Variants in CACNA1D observed in about 807,000 individuals in gnomAD.
The protein encoded by CACNA1D is voltage-dependent L-type calcium channel subunit alpha-1D.
In CACNA1D, 55 loss-of-function variants were observed where a neutral mutation model predicts 257.1. That is an observed-to-expected ratio of 0.21 (90% CI 0.17 to 0.27). The LOEUF is 0.27. Ranked by LOEUF, CACNA1D falls within the 10% of genes least tolerant of loss-of-function variation. The probability of loss-of-function intolerance (pLI) is 1.00; values close to 1 mark genes in which losing one functional copy is unlikely to be tolerated. For missense variants in CACNA1D, 1,876 were observed against 2,784.0 expected (o/e 0.67, Z 7.34); for synonymous variants, 980 against 1,014.9 (o/e 0.97, Z 0.65).
At chr3:53,795,904 CTT>C (rs779039609) in intron 40 of CACNA1D, among the ~76,000 whole-genome samples, 9 of 152,158 alleles carry the variant, frequency 5.9e-5, no homozygotes, top group Non-Finnish European at 1.2e-4. Context: ...TTACCCCTGA[CTT>C]TTCAGTGAGG....
intron 9 of CACNA1D, among the ~76,000 whole-genome samples, chr3:53,717,657 C>T (rs147253222): frequency 8.5e-5 from 13 of 152,280 alleles, no homozygotes; most frequent in African/African-American, 2.9e-4. Flanking sequence ...ACTCGTAACA[C>T]TATAATTCCT....
At chr3:53,651,660 A>G in intron 4 of CACNA1D, among the ~76,000 whole-genome samples, 1 of 152,236 alleles carries the variant, frequency 6.6e-6, no homozygotes, top group East Asian at 1.9e-4. Context: ...TGTTACAGGA[A>G]TGCTGGGTCT....
At chr3:53,562,794 A>G (rs1177994271) in intron 3 of CACNA1D, among the ~76,000 whole-genome samples, 1 of 152,228 alleles carries the variant, frequency 6.6e-6, no homozygotes, top group Admixed American at 6.5e-5. Context: ...TTCCAAATAT[A>G]CCCGGCTGCA....
intron 3 of CACNA1D, among the ~76,000 whole-genome samples, chr3:53,526,442 CT>C (rs151284072): frequency 0.17 from 25,944 of 152,150 alleles, 2,521 homozygotes; most frequent in Non-Finnish European, 0.23. Context: ...GTGGTTTTAG[CT>C]GCACTGTGGA....
chr3:53,626,051 G>A (rs2093754747), intron 3 of CACNA1D, among the ~76,000 whole-genome samples: 1 of 152,190 alleles, frequency 6.6e-6, no homozygotes, highest in Non-Finnish European at 1.5e-5. Flanking sequence ...CTTAGAAGCT[G>A]GAAACTGGCC....
intron 40 of CACNA1D, among the ~76,000 whole-genome samples, chr3:53,794,045 A>G (rs1401110489): frequency 2.0e-5 from 3 of 152,218 alleles, no homozygotes; most frequent in African/African-American, 7.2e-5. Flanking sequence ...TAACAACCCA[A>G]TTAAAAATTA....
In CACNA1D at chr3:53,592,789, C is replaced by T. The variant is rs568604472; in HGVS notation, c.484-57990C>T. On this transcript the variant is annotated intron_variant, in intron 3 of 47. Transcript: ENST00000350061. ...CACAACCTCAGCTCACTGCAACCTC[C>T]GCCTCCTGGGTTCAAGCGATTCTCC... Among the ~76,000 whole-genome samples the T allele has an allele frequency of 4.6e-5, 7 of 152,142 alleles. No individual in the cohort carries two copies. In the South Asian group the frequency reaches 1.2e-3, roughly 27 times the overall value.
intron 3 of CACNA1D, among the ~76,000 whole-genome samples, chr3:53,579,817 G>C (rs1201840234): frequency 1.3e-5 from 2 of 152,180 alleles, no homozygotes; most frequent in African/African-American, 4.8e-5. Flanking sequence ...CACAGACACA[G>C]GCAAAGCACT....
chr3:53,567,161 A>G lies in CACNA1D; in HGVS notation c.483+65441A>G, dbSNP rs1305562042. Among the ~76,000 whole-genome samples the G allele has an allele frequency of 3.3e-5, 5 of 152,344 alleles. No individual in the cohort carries two copies. The South Asian group carries it at 6.2e-4, about 19-fold the overall frequency. ...TCACTGCAGGATCTCCCGTGGATGC[A>G]TAGCATGGTGCCAGAGGCATGGTAC... On this transcript the variant is annotated intron_variant, in intron 3 of 47. Coordinates refer to ENST00000350061, the MANE Select transcript of CACNA1D (RefSeq NM_001128840.3).
Position 53,730,561 on chromosome 3 carries a change from C to T in CACNA1D, c.2336+5C>T. 6.3e-7 allele frequency: 1 copy of T among 1,591,910 alleles called. No homozygotes were observed. Among genetic ancestry groups the T allele is most frequent in the Non-Finnish European group, 8.6e-7 (1 of 1,159,964 alleles). On this transcript the variant is annotated splice_donor_5th_base_variant and intron_variant, in intron 16 of 47. Transcript: ENST00000350061. ...GGAGAGGAAAAAGATTGCCAGGTAA[C>T]CCTATTTTCCCCTGACGTGTTTGTC...
intron 3 of CACNA1D, among the ~76,000 whole-genome samples, chr3:53,551,311 T>G (rs371612721): frequency 1.3e-5 from 2 of 152,206 alleles, no homozygotes; most frequent in African/African-American, 4.8e-5. Flanking sequence ...TTGGCAGGTT[T>G]AAGGTCAGGT....
At position 53,525,901 on chromosome 3, in the gene CACNA1D, C is replaced by G. The variant is rs143132487; in HGVS notation, c.483+24181C>G. On this transcript the variant is annotated intron_variant, in intron 3 of 47. Transcript: ENST00000350061. ...GTCCAGGGATAAACTGGAGTCAGCT[C>G]AGGCGCTCAAATGATGTCACCAGGA... Among the ~76,000 whole-genome samples, 5 of 152,286 alleles carry G rather than the reference C, an allele frequency of 3.3e-5. No homozygotes were observed. The South Asian group carries it at 6.2e-4, about 19-fold the overall frequency.
At position 53,747,424 on chromosome 3, in the gene CACNA1D, T is replaced by A. The variant is rs2095180835; in HGVS notation, c.3290T>A (p.Val1097Asp). 6.2e-7 allele frequency: 1 copy of A among 1,614,116 alleles called. No homozygotes were observed. The highest frequency in any genetic ancestry group is 1.1e-5 in the South Asian group (1 of 91,092). ...VLSAMMALFTVSTFEGWPALL... is the reference protein window; with the variant it reads ...VLSAMMALFTDSTFEGWPALL... ...TCTGCTATGATGGCGCTCTTCACAG[T>A]CTCCACGTTTGAGGGCTGGCCTGCG... The change falls in exon 26 of 48, where the codon GTC becomes GAC. Residue 1097 changes from valine (V) to aspartate (D), a missense_variant. Physicochemically the swap from Val to Asp is radical, Grantham distance 152. This residue lies in a region of CACNA1D where 271 missense variants were observed against 425.5 expected (regional missense o/e 0.64). Transcript: ENST00000350061.
At chr3:53,731,392 A>T (rs1228757991) in intron 17 of CACNA1D, among the ~76,000 whole-genome samples, 1 of 152,188 alleles carries the variant, frequency 6.6e-6, no homozygotes, top group Non-Finnish European at 1.5e-5. Context: ...TAGTTTGACC[A>T]CTTATGTTTT....
At chr3:53,507,980 G>GC in intron 3 of CACNA1D, among the ~76,000 whole-genome samples, 1 of 151,884 alleles carries the variant, frequency 6.6e-6, no homozygotes, top group East Asian at 1.9e-4. Context: ...GCTGGAAAGG[G>GC]GGGGCTGAAA....
chr3:53,644,755 A>G (rs930303538), intron 3 of CACNA1D, among the ~76,000 whole-genome samples: 1 of 152,202 alleles, frequency 6.6e-6, no homozygotes, highest in East Asian at 1.9e-4. Flanking sequence ...TGTCTTAGCT[A>G]TTGTGAATAA....
At position 53,770,477 on chromosome 3, in the gene CACNA1D, G is replaced by A; in HGVS notation, c.3969G>A (p.Val1323=). 1 of 1,613,692 alleles carries A rather than the reference G, an allele frequency of 6.2e-7. No individual in the cohort carries two copies. Among genetic ancestry groups the A allele is most frequent in the Non-Finnish European group, 8.5e-7 (1 of 1,179,570 alleles). Residue 1323 remains valine, a synonymous_variant, in exon 32 of 48, where the codon GTG becomes GTA. Transcript: ENST00000350061. ...ISITFFRLFR[V]MRLVKLLSRG... is the part of the protein sequence containing the mutation. ...TCACCTTTTTCCGTCTTTTCCGAGTGATGCGATTGGTGAAGCTTCTCAGCA... is the reference window on the plus strand; with the variant it reads ...TCACCTTTTTCCGTCTTTTCCGAGTAATGCGATTGGTGAAGCTTCTCAGCA...
chr3:53,813,161 C>T lies in CACNA1D; in HGVS notation c.*1755C>T, dbSNP rs1300371482. 5.6e-5 allele frequency: 5 copies of T among 89,916 alleles called. No homozygotes were observed. Among genetic ancestry groups the T allele is most frequent in the Non-Finnish European group, 1.2e-4 (5 of 43,204 alleles). The allele number at this position is 89,916 out of a possible 1,614,324, so 5.6% of individuals were successfully genotyped here. On this transcript the variant is annotated 3_prime_UTR_variant, in exon 48 of 48. Coordinates refer to ENST00000350061, the MANE Select transcript of CACNA1D (RefSeq NM_001128840.3). ...TTTTTTTTTTTTTTTTTGTAAATAA[C>T]AAACACCACTTTGTTATGAAGACCT...
intron 8 of CACNA1D, among the ~76,000 whole-genome samples, chr3:53,690,578 A>G (rs954851879): frequency 1.1e-4 from 16 of 152,146 alleles, no homozygotes; most frequent in Non-Finnish European, 2.2e-4. Context: ...CGTGCCTTTC[A>G]GTGGGCACTC....
Sources: allele counts gnomAD v4.1 joint callset (sites outside exome capture counted in the v4.1 genomes callset), GRCh38; gene constraint gnomAD v4.1.1; regional missense constraint gnomAD v4.1.1; transcripts MANE v1.5; gene names NCBI Gene and HGNC (gene_info 2026-07-23, HGNC 2026-07-21).